RABGAP1L: variants seen among roughly 807,000 people sequenced by gnomAD.
The protein encoded by RABGAP1L is RAB GTPase activating protein 1 like, also known as rab GTPase-activating protein 1-like.
In RABGAP1L, 63 loss-of-function variants were observed where a neutral mutation model predicts 137.7. The observed-to-expected ratio is 0.46, with a 90% CI of 0.37 to 0.56. RABGAP1L has a LOEUF of 0.56. Among genes scored for constraint, RABGAP1L ranks in the 20% least tolerant of loss-of-function variants. The pLI, the probability that RABGAP1L is intolerant of heterozygous loss-of-function variation, is 0.00. For synonymous variants in RABGAP1L, 431 were observed against 433.7 expected (o/e 0.99, Z 0.08); for missense variants, 1,095 against 1,244.0 (o/e 0.88, Z 1.80).
At chr1:174,706,471 T>C (rs1285449219) in intron 17 of RABGAP1L, among the ~76,000 whole-genome samples, 4 of 152,164 alleles carry the variant, frequency 2.6e-5, no homozygotes, top group Non-Finnish European at 5.9e-5. Flanking sequence ...TTATCTGCCT[T>C]TATCTGTTTA....
chr1:174,176,741 A>AAAAAAAAAAAAAAAAAAAT (rs755688394), intron 1 of RABGAP1L, among the ~76,000 whole-genome samples: 3 of 111,778 alleles, frequency 2.7e-5, no homozygotes, highest in Middle Eastern at 4.8e-3. Flanking sequence ...AAAAAAAAAA[A>AAAAAAAAAAAAAAAAAAAT]AAAAAGGTCA....
intron 3 of RABGAP1L, among the ~76,000 whole-genome samples, chr1:174,227,931 C>T (rs1479980448): frequency 2.1e-5 from 3 of 146,054 alleles, no homozygotes; most frequent in Non-Finnish European, 4.5e-5. Context: ...TCATATTTAA[C>T]TTCTCGTGCT....
intron 19 of RABGAP1L, among the ~76,000 whole-genome samples, chr1:174,852,134 A>G (rs1000375009): frequency 3.0e-4 from 45 of 152,210 alleles, no homozygotes; most frequent in African/African-American, 1.1e-3. Flanking sequence ...TTTAATTGAT[A>G]GTACTTTTGT....
chr1:174,223,372 G>C (rs1015335471), intron 3 of RABGAP1L, among the ~76,000 whole-genome samples: 1 of 148,464 alleles, frequency 6.7e-6, no homozygotes, highest in African/African-American at 2.5e-5. Context: ...GAACCCAGGA[G>C]GTGGAGGTTG....
intron 11 of RABGAP1L, among the ~76,000 whole-genome samples, chr1:174,315,061 G>A (rs1437228857): frequency 6.6e-6 from 1 of 152,106 alleles, no homozygotes; most frequent in East Asian, 1.9e-4. Context: ...TTTTTGTCTA[G>A]AAGGTCTGTC....
At chr1:174,565,154 G>A (rs1440510775) in intron 13 of RABGAP1L, among the ~76,000 whole-genome samples, 1 of 152,108 alleles carries the variant, frequency 6.6e-6, no homozygotes, top group Non-Finnish European at 1.5e-5. Context: ...GATGGGATGG[G>A]TTTGGTGGAA....
intron 13 of RABGAP1L, among the ~76,000 whole-genome samples, chr1:174,509,575 C>T (rs1662146392): frequency 1.3e-5 from 2 of 152,102 alleles, no homozygotes; most frequent in Non-Finnish European, 2.9e-5. Flanking sequence ...GTCTCAGTCC[C>T]ATTTTTTCCC....
At chr1:174,956,640 C>T (rs1047826521) in intron 19 of RABGAP1L, among the ~76,000 whole-genome samples, 1 of 150,738 alleles carries the variant, frequency 6.6e-6, no homozygotes, top group East Asian at 1.9e-4. Flanking sequence ...GAATATTTTT[C>T]TCTTCTCTTC....
intron 7 of RABGAP1L, among the ~76,000 whole-genome samples, chr1:174,265,081 G>C (rs1673938869): frequency 6.6e-6 from 1 of 152,140 alleles, no homozygotes; most frequent in African/African-American, 2.4e-5. Context: ...ATGGACTTTT[G>C]TTAATCAGCT....
At chr1:174,818,439 A>C (rs1690663458) in intron 19 of RABGAP1L, among the ~76,000 whole-genome samples, 1 of 152,254 alleles carries the variant, frequency 6.6e-6, no homozygotes, top group Admixed American at 6.5e-5. Context: ...TAATGGTCTT[A>C]ATGAAAGTAG....
intron 13 of RABGAP1L, among the ~76,000 whole-genome samples, chr1:174,436,676 A>T (rs1324226196): frequency 1.3e-5 from 2 of 152,092 alleles, no homozygotes; most frequent in African/African-American, 4.8e-5. Flanking sequence ...CCCGTTTGTC[A>T]ATTTTGGCTT....
chr1:174,612,368 G>A (rs541867263), intron 13 of RABGAP1L, among the ~76,000 whole-genome samples: 1 of 152,242 alleles, frequency 6.6e-6, no homozygotes, highest in Admixed American at 6.5e-5. Flanking sequence ...TTATTGATTT[G>A]TGTATATTGA....
intron 13 of RABGAP1L, among the ~76,000 whole-genome samples, chr1:174,435,817 C>T (rs1007930387): frequency 1.4e-5 from 2 of 142,022 alleles, no homozygotes; most frequent in Non-Finnish European, 3.0e-5. Flanking sequence ...CCCCCGACAC[C>T]ACAACCGTCC....
intron 2 of RABGAP1L, 49 bp downstream of exon 2, chr1:174,219,344 T>C: frequency 7.6e-7 from 1 of 1,315,054 alleles, no homozygotes; most frequent in Non-Finnish European, 1.0e-6. Flanking sequence ...TAAAAACTAT[T>C]TGAAACTTAG....
chr1:174,881,595 G>T (rs993891586), intron 19 of RABGAP1L, among the ~76,000 whole-genome samples: 1 of 148,584 alleles, frequency 6.7e-6, no homozygotes, highest in Non-Finnish European at 1.5e-5. Flanking sequence ...CGCCTCCTGG[G>T]TTCAAGCAAT....
intron 4 of RABGAP1L, among the ~76,000 whole-genome samples, chr1:174,239,232 G>A (rs997286410): frequency 2.6e-5 from 4 of 152,184 alleles, no homozygotes; most frequent in African/African-American, 4.8e-5. Context: ...CGTCTTCTGC[G>A]TCGCTCACGC....
At chr1:174,918,823 ACCCCC>A (rs545089556) in intron 19 of RABGAP1L, among the ~76,000 whole-genome samples, 714 of 118,026 alleles carry the variant, frequency 6.0e-3, no homozygotes, top group Admixed American at 0.011. Context: ...AGTGAGACCC[ACCCCC>A]CCGATCTCTA....
chr1:174,616,655 A>C (rs1019239196), intron 13 of RABGAP1L, among the ~76,000 whole-genome samples: 2 of 152,228 alleles, frequency 1.3e-5, no homozygotes, highest in African/African-American at 4.8e-5. Context: ...AATTATTTGT[A>C]TGTCAGCTTA....
intron 20 of RABGAP1L, chr1:174,964,985 GGTAA>G: frequency 1.3e-6 from 2 of 1,486,896 alleles, no homozygotes; most frequent in Non-Finnish European, 1.8e-6. Flanking sequence ...CTTTTGAGGA[GGTAA>G]GTTTTTTTTT....
Sources: allele counts gnomAD v4.1 joint callset (sites outside exome capture counted in the v4.1 genomes callset), GRCh38; gene constraint gnomAD v4.1.1; transcripts MANE v1.5; gene names NCBI Gene and HGNC (gene_info 2026-07-23, HGNC 2026-07-21).